TPR: variants seen among roughly 807,000 people sequenced by gnomAD.
TPR encodes translocated promoter region, nuclear basket protein.
A neutral mutation model predicts 316.1 loss-of-function variants in TPR; 51 were observed. The observed-to-expected ratio is 0.16, with a 90% CI of 0.13 to 0.20. The LOEUF is 0.20. TPR is among the 10% of genes least tolerant of loss of function. TPR has a pLI of 1.00. For synonymous variants in TPR, 981 were observed against 914.7 expected (o/e 1.07, Z -1.31); for missense variants, 2,272 against 2,754.8 (o/e 0.82, Z 3.92).
chr1:186,319,470 G>T (rs1364157810), intron 46 of TPR, among the ~76,000 whole-genome samples: 2 of 152,132 alleles, frequency 1.3e-5, no homozygotes, highest in Non-Finnish European at 2.9e-5. Flanking sequence ...AGCTTAAAAT[G>T]TTGGCATTCC....
At chr1:186,321,574 A>G (rs1043281197) in intron 45 of TPR, among the ~76,000 whole-genome samples, 1 of 152,224 alleles carries the variant, frequency 6.6e-6, no homozygotes, top group Non-Finnish European at 1.5e-5. Flanking sequence ...GTCTACTCTC[A>G]TAAGTTATGA....
chr1:186,355,439 A>T lies in TPR; in HGVS notation c.2142T>A (p.Ile714=). Residue 714 remains isoleucine (I), a synonymous_variant, in exon 17 of 51, where the codon ATT becomes ATA. Coordinates refer to ENST00000367478, the MANE Select transcript of TPR (RefSeq NM_003292.3). ...TAGAAGCAAAATCTAGCTGGGTAGA[A>T]ATTTTGGTATTTTGTGATCGCAAAT... ...VTDLRSQNTK[I]STQLDFASKR... 1 of 1,611,444 alleles carries T rather than the reference A, an allele frequency of 6.2e-7. No individual in the cohort carries two copies. The highest frequency in any genetic ancestry group is 1.3e-5 in the African/African-American group (1 of 74,792).
chr1:186,370,195 CTA>C (rs1238318835), intron 3 of TPR, among the ~76,000 whole-genome samples: 1 of 152,036 alleles, frequency 6.6e-6, no homozygotes, highest in Non-Finnish European at 1.5e-5. Context: ...CTAGCTATTA[CTA>C]TGTTTTTTTC....
Position 186,312,558 on chromosome 1 carries a change from G to GGTA in TPR, c.*1410_*1412dup. ...GACCAATACTTTCTTTTTCCTTGTG[G>GGTA]GTAAGTAAAGCAGTTTGTTCAGGTT... On this transcript the variant is annotated 3_prime_UTR_variant, in exon 51 of 51. Coordinates refer to ENST00000367478, the MANE Select transcript of TPR (RefSeq NM_003292.3). The GGTA allele has an allele frequency of 1.3e-6, 1 of 796,506 alleles. No individual in the cohort carries two copies. Among genetic ancestry groups the GGTA allele is most frequent in the Admixed American group, 2.9e-5 (1 of 34,812 alleles). The allele number at this position is 796,506 out of a possible 1,614,324, so 49.3% of individuals were successfully genotyped here. A position where few individuals can be genotyped will look rare whatever the true frequency, so the allele number is the denominator to read the frequency against.
At position 186,364,130 on chromosome 1, in the gene TPR, A is replaced by G. The variant is rs574635071; in HGVS notation, c.428-685T>C. ...TCATTGTGTTTAGTGCAATACCATA[A>G]AACTTGAAATCTTTTGAAGTTTTTG... On this transcript the variant is annotated intron_variant, in intron 4 of 50. Coordinates refer to ENST00000367478, the MANE Select transcript of TPR (RefSeq NM_003292.3). 3.3e-5 allele frequency among the ~76,000 whole-genome samples: 5 copies of G among 152,300 alleles called. No homozygotes were observed. In the South Asian group the frequency reaches 1.0e-3, roughly 32 times the overall value.
At chr1:186,373,843 GACTTCTTTTATAGTAGTCAAGATATT>G (rs1352910847) in intron 1 of TPR, among the ~76,000 whole-genome samples, 4 of 152,024 alleles carry the variant, frequency 2.6e-5, no homozygotes, top group Middle Eastern at 3.2e-3. Context: ...TGTTTTAAAA[GACTTCTTTTATAGTAGTCAAGATATT>G]ACCTGAAAGC....
intron 25 of TPR, 90 bp from the exon 26 acceptor site, chr1:186,344,180 A>G: frequency 6.8e-7 from 1 of 1,460,720 alleles, no homozygotes. Context: ...AACGCCTGTA[A>G]TCCCGACTAC....
chr1:186,327,246 A>T lies in TPR; in HGVS notation c.5889+214T>A, dbSNP rs866579131. Among the ~76,000 whole-genome samples, 9 of 4,448 alleles carry T rather than the reference A, an allele frequency of 2.0e-3. 1 individual carries two copies. Among genetic ancestry groups the T allele is most frequent in the Non-Finnish European group, 3.1e-3 (7 of 2,264 alleles). The allele number at this position is 4,448 out of a possible 152,430, so 2.9% of individuals were successfully genotyped here. A position where few individuals can be genotyped will look rare whatever the true frequency, so the allele number is the denominator to read the frequency against. On this transcript the variant is annotated intron_variant, in intron 40 of 50. Transcript: ENST00000367478. ...ATATATAATATATATTTATATATAT[A>T]ATATATATAAATATATAATATATAT...
Position 186,346,132 on chromosome 1 carries a change from T to C in TPR, c.3096+3A>G, listed in dbSNP as rs1658670496. 6.3e-7 allele frequency: 1 copy of C among 1,599,216 alleles called. No individual in the cohort carries two copies. Among genetic ancestry groups the C allele is most frequent in the Non-Finnish European group, 8.5e-7 (1 of 1,174,698 alleles). On this transcript the variant is annotated splice_donor_region_variant and intron_variant, in intron 23 of 50. Coordinates refer to ENST00000367478, the MANE Select transcript of TPR (RefSeq NM_003292.3). The stretch of plus-strand genomic sequence containing the variant: ...AAAAAATTAATACGGTTAACCTATT[T>C]ACCTGTTGTTCCATGCTCTCTATGG...
chr1:186,343,298 G>A, intron 27 of TPR, 28 bp downstream of exon 27: 1 of 1,593,416 alleles, frequency 6.3e-7, no homozygotes, highest in East Asian at 2.2e-5. Context: ...GATTTAACAA[G>A]TGCTTTCTTA....
At chr1:186,357,348 A>C (rs1659059993) in intron 14 of TPR, 49 bp downstream of exon 14, 1 of 1,577,554 alleles carries the variant, frequency 6.3e-7, no homozygotes, top group Non-Finnish European at 8.7e-7. Flanking sequence ...AGCCTAGCTG[A>C]GGTTTTCATA....
At chr1:186,372,031 T>C (rs955718582) in intron 2 of TPR, among the ~76,000 whole-genome samples, 22 of 152,166 alleles carry the variant, frequency 1.4e-4, no homozygotes, top group Admixed American at 2.6e-4. Flanking sequence ...CAAAACTACA[T>C]AGATAATGAA....
chr1:186,334,865 T>C (rs1031240120), intron 35 of TPR, among the ~76,000 whole-genome samples: 8 of 152,116 alleles, frequency 5.3e-5, no homozygotes, highest in Non-Finnish European at 8.8e-5. Flanking sequence ...GTTTTCTCTG[T>C]CACAAAGCTT....
chr1:186,355,324 T>C (rs1658992573), intron 17 of TPR, 86 bp downstream of exon 17: 4 of 1,437,964 alleles, frequency 2.8e-6, no homozygotes, highest in Admixed American at 2.2e-5. Context: ...AGCAACACTA[T>C]TGCAAATTAG....
intron 35 of TPR, among the ~76,000 whole-genome samples, chr1:186,334,822 T>A (rs1030707801): frequency 6.6e-6 from 1 of 152,120 alleles, no homozygotes; most frequent in Non-Finnish European, 1.5e-5. Context: ...CAGCCTAACT[T>A]AGAAACCAAC....
rs1420265731 is a variant in TPR at position 186,337,124 on chromosome 1, G to A, written c.4395C>T (p.Asp1465=). 6.2e-7 allele frequency: 1 copy of A among 1,613,612 alleles called. No individual in the cohort carries two copies. Among genetic ancestry groups the A allele is most frequent in the Non-Finnish European group, 8.5e-7 (1 of 1,179,786 alleles). Reference sequence around the variant, plus strand: ...GGACTGAAACATGCTGCTCCTGATGGTCTCCAGAGGACTGAGCCGATGTCT... The same window carrying A: ...GGACTGAAACATGCTGCTCCTGATGATCTCCAGAGGACTGAGCCGATGTCT... The part of the protein sequence containing the change: ...VMETSAQSSG[D]HQEQHVSVQE... The change falls in exon 32 of 51, where the codon GAC becomes GAT. Residue 1465 remains aspartate, a synonymous_variant. Coordinates refer to ENST00000367478, the MANE Select transcript of TPR (RefSeq NM_003292.3).
Position 186,360,336 on chromosome 1 carries a change from G to A in TPR, c.1128C>T (p.Ala376=), listed in dbSNP as rs377515093. The part of the protein sequence containing the change: ...KGAILSEEEL[A]AMSPTAAAVA... The stretch of plus-strand genomic sequence containing the variant: ...CAGCTGCTGCAGTAGGAGACATGGC[G>A]GCAAGCTCTTCTTCAGACAATATGG... Residue 376 remains alanine (A), a synonymous_variant, in exon 11 of 51, where the codon GCC becomes GCT. Coordinates refer to ENST00000367478, the MANE Select transcript of TPR (RefSeq NM_003292.3). 20 of 1,613,098 alleles carry A rather than the reference G, an allele frequency of 1.2e-5. No individual in the cohort carries two copies. The highest frequency in any genetic ancestry group is 6.7e-5 in the Admixed American group (4 of 59,920).
chr1:186,333,023 A>G, intron 37 of TPR, 99 bp downstream of exon 37: 3 of 1,406,158 alleles, frequency 2.1e-6, no homozygotes, highest in Non-Finnish European at 2.9e-6. Context: ...TTCTAACTTC[A>G]TTTGTACAAA....
chr1:186,353,527 A>G (rs1193710400), intron 18 of TPR, among the ~76,000 whole-genome samples, 161 bp downstream of exon 18: 1 of 152,192 alleles, frequency 6.6e-6, no homozygotes, highest in Non-Finnish European at 1.5e-5. Flanking sequence ...TCACCCCACT[A>G]ACGCACACTG....
Sources: gnomAD v4.1 joint callset for allele counts (sites outside exome capture counted in the v4.1 genomes callset) on GRCh38, gnomAD v4.1.1 for gene constraint, MANE v1.5 for transcripts, NCBI Gene and HGNC (gene_info 2026-07-23, HGNC 2026-07-21) for gene names.